ZFYVE9: variants seen among roughly 807,000 people sequenced by gnomAD.
ZFYVE9 encodes zinc finger FYVE domain-containing protein 9.
In ZFYVE9, 43 loss-of-function variants were observed where a neutral mutation model predicts 126.7. That is an observed-to-expected ratio of 0.34 (90% CI 0.27 to 0.44). ZFYVE9 has a LOEUF of 0.44. ZFYVE9 is among the 20% of genes least tolerant of loss of function. The pLI is 1.00. For missense variants in ZFYVE9, 1,476 were observed against 1,697.0 expected (o/e 0.87, Z 2.29); for synonymous variants, 521 against 597.4 (o/e 0.87, Z 1.87).
At chr1:52,230,805 A>T (rs898916116) in intron 2 of ZFYVE9, among the ~76,000 whole-genome samples, 5 of 152,346 alleles carry the variant, frequency 3.3e-5, no homozygotes, top group Middle Eastern at 3.4e-3. Context: ...GTTATTCTGT[A>T]GCACTTATCT....
At chr1:52,334,053 G>A (rs1050085519) in intron 14 of ZFYVE9, among the ~76,000 whole-genome samples, 1 of 150,298 alleles carries the variant, frequency 6.7e-6, no homozygotes, top group Non-Finnish European at 1.5e-5. Context: ...AGATAGCACC[G>A]CTGCACGTCA....
intron 1 of ZFYVE9, among the ~76,000 whole-genome samples, chr1:52,167,005 A>G (rs1392839475): frequency 6.6e-6 from 1 of 152,266 alleles, no homozygotes; most frequent in African/African-American, 2.4e-5. Context: ...TTAGCAGAAT[A>G]AAGATTATGT....
chr1:52,217,478 T>C (rs1394528775), intron 2 of ZFYVE9, among the ~76,000 whole-genome samples: 1 of 152,208 alleles, frequency 6.6e-6, no homozygotes, highest in Non-Finnish European at 1.5e-5. Context: ...GGCTTTGTTG[T>C]TCTTCTTGAT....
chr1:52,299,393 C>A (rs1251290621), intron 12 of ZFYVE9, among the ~76,000 whole-genome samples: 1 of 152,110 alleles, frequency 6.6e-6, no homozygotes, highest in Non-Finnish European at 1.5e-5. Flanking sequence ...AGTTTGGATG[C>A]CTTTTATTTC....
chr1:52,266,409 A>ATT (rs1645634432), intron 5 of ZFYVE9, among the ~76,000 whole-genome samples: 1 of 122,946 alleles, frequency 8.1e-6, no homozygotes, highest in Non-Finnish European at 1.7e-5. Context: ...ATTCTTTAAA[A>ATT]AAAAAAAAAA....
intron 1 of ZFYVE9, among the ~76,000 whole-genome samples, chr1:52,149,683 C>T (rs929741252): frequency 2.6e-5 from 4 of 152,040 alleles, no homozygotes; most frequent in East Asian, 1.9e-4. Flanking sequence ...TTAGTAGAGA[C>T]GGGGTTTCAC....
intron 1 of ZFYVE9, among the ~76,000 whole-genome samples, chr1:52,155,456 G>A (rs941263410): frequency 3.3e-5 from 5 of 151,994 alleles, no homozygotes; most frequent in Non-Finnish European, 5.9e-5. Context: ...GGATGGTCTC[G>A]ATCTCCTGAC....
chr1:52,184,152 A>G (rs1644741348), intron 1 of ZFYVE9, among the ~76,000 whole-genome samples: 1 of 148,498 alleles, frequency 6.7e-6, no homozygotes, highest in Non-Finnish European at 1.5e-5. Flanking sequence ...AGGTCATTTC[A>G]TGGTTCTATT....
chr1:52,313,102 G>A (rs1328658136), intron 13 of ZFYVE9, among the ~76,000 whole-genome samples: 1 of 152,154 alleles, frequency 6.6e-6, no homozygotes, highest in Admixed American at 6.5e-5. Context: ...TTCTTTCACA[G>A]CCCTCAGACG....
At chr1:52,285,656 C>G (rs1375462813) in intron 10 of ZFYVE9, among the ~76,000 whole-genome samples, 2 of 152,146 alleles carry the variant, frequency 1.3e-5, no homozygotes, top group Non-Finnish European at 2.9e-5. Flanking sequence ...GGAAAACAAG[C>G]TCAGGGATCC....
At chr1:52,332,299 G>A (rs938683507) in intron 13 of ZFYVE9, among the ~76,000 whole-genome samples, 11 of 151,946 alleles carry the variant, frequency 7.2e-5, no homozygotes, top group Non-Finnish European at 1.2e-4. Flanking sequence ...TCAAACATAA[G>A]TTAGTAAAAT....
intron 3 of ZFYVE9, 147 bp downstream of exon 3, chr1:52,233,423 C>A: frequency 2.3e-6 from 1 of 438,056 alleles, no homozygotes; most frequent in East Asian, 4.1e-5. Context: ...GAAGAAATAA[C>A]ATTTTTTAGC....
chr1:52,300,323 G>A (rs925351347), intron 12 of ZFYVE9, among the ~76,000 whole-genome samples: 2 of 152,172 alleles, frequency 1.3e-5, no homozygotes, highest in African/African-American at 4.8e-5. Context: ...TGGGCGTAGT[G>A]GCTCATGCCT....
intron 13 of ZFYVE9, among the ~76,000 whole-genome samples, chr1:52,319,893 A>G (rs1203455345): frequency 6.7e-6 from 1 of 150,344 alleles, no homozygotes; most frequent in Non-Finnish European, 1.5e-5. Context: ...TGTGCCTGTA[A>G]TCTCAGCTAC....
chr1:52,230,563 G>T (rs1004654962), intron 2 of ZFYVE9, among the ~76,000 whole-genome samples: 3 of 151,846 alleles, frequency 2.0e-5, no homozygotes, highest in Non-Finnish European at 4.4e-5. Context: ...AAAAGGGCAG[G>T]CTTCATCCAG....
chr1:52,262,465 A>G (rs1426212000), intron 4 of ZFYVE9, among the ~76,000 whole-genome samples: 1 of 152,218 alleles, frequency 6.6e-6, no homozygotes, highest in Non-Finnish European at 1.5e-5. Context: ...GATAGAAAAT[A>G]AGGATAATAT....
At chr1:52,248,841 T>C (rs1645416098) in intron 4 of ZFYVE9, among the ~76,000 whole-genome samples, 1 of 152,208 alleles carries the variant, frequency 6.6e-6, no homozygotes, top group Non-Finnish European at 1.5e-5. Context: ...TTAAGCACCA[T>C]ATTCTTTTTC....
At chr1:52,306,288 C>T (rs994122142) in intron 13 of ZFYVE9, among the ~76,000 whole-genome samples, 2 of 152,158 alleles carry the variant, frequency 1.3e-5, no homozygotes, top group African/African-American at 4.8e-5. Flanking sequence ...GAGCTGCCCA[C>T]TCCAGGGTCT....
intron 2 of ZFYVE9, among the ~76,000 whole-genome samples, chr1:52,229,956 C>T (rs1351043729): frequency 2.0e-5 from 3 of 150,968 alleles, no homozygotes; most frequent in Admixed American, 1.3e-4. Context: ...CAAGCTCCGC[C>T]TCCCAGGTTC....
Sources: gnomAD v4.1 joint callset for allele counts (sites outside exome capture counted in the v4.1 genomes callset) on GRCh38, gnomAD v4.1.1 for gene constraint, MANE v1.5 for transcripts, NCBI Gene and HGNC (gene_info 2026-07-23, HGNC 2026-07-21) for gene names.